Variants in DAB2IP observed in about 807,000 individuals in gnomAD.
DAB2IP encodes the protein disabled homolog 2-interacting protein.
A neutral mutation model predicts 107.2 loss-of-function variants in DAB2IP; 28 were observed. The observed-to-expected ratio is 0.26, with a 90% CI of 0.19 to 0.36. The LOEUF (loss-of-function observed/expected upper bound fraction) is 0.36, where lower values mean the gene tolerates loss of function less well. Among genes scored for constraint, DAB2IP ranks in the 10% least tolerant of loss-of-function variants. The pLI is 1.00. For missense variants in DAB2IP, 1,400 were observed against 1,644.7 expected, an observed-to-expected ratio of 0.85 and a Z score of 2.57; for synonymous variants, 755 against 706.4, an observed-to-expected ratio of 1.07 and a Z score of -1.09.
chr9:121,720,496 C>A (rs920453241), intron 3 of DAB2IP, among the ~76,000 whole-genome samples: 1 of 152,180 alleles, frequency 6.6e-6, no homozygotes, highest in African/African-American at 2.4e-5. Context: ...GTATTTATTT[C>A]CCTGTTTTCC....
intron 3 of DAB2IP, among the ~76,000 whole-genome samples, chr9:121,754,835 C>G (rs578164753): frequency 6.6e-6 from 1 of 152,200 alleles, no homozygotes; most frequent in Non-Finnish European, 1.5e-5. Flanking sequence ...CTCTCCACAG[C>G]CAGCTCATTC....
Position 121,618,365 on chromosome 9 carries a change from A to ATT in DAB2IP, c.40+51149_40+51150dup, listed in dbSNP as rs143238568. Reference sequence around the variant, plus strand: ...ATGTCATGAATGGTAAATTCAATGGATTTTTTTTTTTTTGAGGCAGAGTCT... The same window carrying ATT: ...ATGTCATGAATGGTAAATTCAATGGATTTTTTTTTTTTTTTGAGGCAGAGTCT... On this transcript the variant is annotated intron_variant, in intron 1 of 16. Transcript: ENST00000259371. Among the ~76,000 whole-genome samples the ATT allele has an allele frequency of 3.1e-3, 450 of 147,500 alleles. 5 individuals carry two copies. Among genetic ancestry groups the ATT allele is most frequent in the African/African-American group, 9.0e-3 (364 of 40,372 alleles).
At chr9:121,758,018 T>C (rs1195764339) in intron 4 of DAB2IP, among the ~76,000 whole-genome samples, 1 of 152,222 alleles carries the variant, frequency 6.6e-6, no homozygotes. Context: ...CCATTTCTGG[T>C]TCAGGACTCC....
At chr9:121,682,181 C>T (rs1828633952) in intron 2 of DAB2IP, among the ~76,000 whole-genome samples, 1 of 152,180 alleles carries the variant, frequency 6.6e-6, no homozygotes, top group South Asian at 2.1e-4. Flanking sequence ...TGCTCACTTA[C>T]AGGCTCCCAA....
At chr9:121,616,278 G>A (rs1323441739) in intron 1 of DAB2IP, among the ~76,000 whole-genome samples, 6 of 152,300 alleles carry the variant, frequency 3.9e-5, no homozygotes, top group Middle Eastern at 3.4e-3. Flanking sequence ...CTTTCTGGGG[G>A]AAAATGCTCT....
At chr9:121,676,547 G>A (rs1472906341) in intron 1 of DAB2IP, among the ~76,000 whole-genome samples, 8 of 152,062 alleles carry the variant, frequency 5.3e-5, no homozygotes, top group South Asian at 2.1e-4. Flanking sequence ...TCTTTCCCAG[G>A]CACCCCCCAC....
intron 3 of DAB2IP, among the ~76,000 whole-genome samples, chr9:121,707,495 C>T (rs542588997): frequency 3.4e-4 from 52 of 152,336 alleles, no homozygotes; most frequent in African/African-American, 1.0e-3. Flanking sequence ...CCCTACTGTC[C>T]CAGTTAACCA....
At chr9:121,668,823 T>G (rs917758121) in intron 1 of DAB2IP, among the ~76,000 whole-genome samples, 4 of 151,742 alleles carry the variant, frequency 2.6e-5, no homozygotes, top group African/African-American at 9.7e-5. Context: ...TGTAAGTGCA[T>G]GCACATGTAA....
chr9:121,764,758 G>C (rs1020988622), intron 8 of DAB2IP, among the ~76,000 whole-genome samples: 1 of 152,164 alleles, frequency 6.6e-6, no homozygotes, highest in South Asian at 2.1e-4. Context: ...CTCCTTGTTA[G>C]GTTCATCTCT....
At chr9:121,578,506 C>T (rs1211924494) in intron 1 of DAB2IP, among the ~76,000 whole-genome samples, 3 of 151,956 alleles carry the variant, frequency 2.0e-5, no homozygotes, top group African/African-American at 7.2e-5. Context: ...GTGGCCCTTC[C>T]AAGCCCCGGG....
chr9:121,782,968 C>CA lies in DAB2IP; in HGVS notation c.*471dup. On this transcript the variant is annotated 3_prime_UTR_variant, in exon 16 of 16. Coordinates refer to ENST00000408936, the Ensembl canonical transcript of DAB2IP. This position sits in a 1 kb window ranked among gnomAD's most constrained non-coding sequence, Gnocchi z 6.1. ...GGACTCCCTGGCAGCCAGGCCCTGT[C>CA]ATGTGGGACCTGGCACTTGGCAGAT... 9.8e-7 allele frequency: 1 copy of CA among 1,020,580 alleles called. No homozygotes were observed. Among genetic ancestry groups the CA allele is most frequent in the African/African-American group, 1.7e-5 (1 of 58,610 alleles). The allele number at this position is 1,020,580 out of a possible 1,614,324, so 63.2% of individuals were successfully genotyped here. A position where few individuals can be genotyped will look rare whatever the true frequency, so the allele number is the denominator to read the frequency against.
chr9:121,631,504 G>A (rs1275071902), intron 1 of DAB2IP, among the ~76,000 whole-genome samples: 1 of 152,050 alleles, frequency 6.6e-6, no homozygotes, highest in Non-Finnish European at 1.5e-5. Flanking sequence ...AGGTGGGAAT[G>A]GAAGTCCTGA....
At chr9:121,603,181 G>A (rs1484250699) in intron 1 of DAB2IP, among the ~76,000 whole-genome samples, 1 of 152,178 alleles carries the variant, frequency 6.6e-6, no homozygotes, top group Non-Finnish European at 1.5e-5. Flanking sequence ...TCTGTTGTGC[G>A]TCTATCTATG....
At chr9:121,655,625 C>T (rs563665649) in intron 1 of DAB2IP, among the ~76,000 whole-genome samples, 15 of 152,236 alleles carry the variant, frequency 9.9e-5, no homozygotes, top group Admixed American at 5.9e-4. Flanking sequence ...AGCTCAGCCG[C>T]GGACTGGTTG....
intron 1 of DAB2IP, among the ~76,000 whole-genome samples, chr9:121,637,204 T>A (rs1266551584): frequency 6.6e-6 from 1 of 152,204 alleles, no homozygotes; most frequent in East Asian, 1.9e-4. Context: ...ATGGGCATAA[T>A]AGCACCTTTT....
At chr9:121,770,809 G>T in intron 11 of DAB2IP, 85 bp downstream of exon 11, 1 of 1,524,580 alleles carries the variant, frequency 6.6e-7, no homozygotes, top group Non-Finnish European at 8.9e-7. Flanking sequence ...GGGGAAAGAG[G>T]ATGCCTACAT....
Position 121,782,212 on chromosome 9 carries a change from C to A in DAB2IP, c.3403-119C>A. The A allele has an allele frequency of 6.7e-7, 1 of 1,487,146 alleles. No individual in the cohort carries two copies. The highest frequency in any genetic ancestry group is 2.1e-5 in the Admixed American group (1 of 47,336). 92.1% of individuals were successfully genotyped at this position (1,487,146 alleles called of 1,614,324 possible). A position where few individuals can be genotyped will look rare whatever the true frequency, so the allele number is the denominator to read the frequency against. ...CCTTCTCTTGCCAGCTGCTCACAGC[C>A]CGGAGCCTGCCTGCCACCCTCATCT... is the stretch of plus-strand genomic sequence containing the variant. On this transcript the variant is annotated intron_variant, in intron 15 of 15. Coordinates refer to ENST00000408936, the Ensembl canonical transcript of DAB2IP. The surrounding 1 kb of genome is among the most constrained non-coding windows in gnomAD (Gnocchi z 6.1).
intron 1 of DAB2IP, among the ~76,000 whole-genome samples, chr9:121,625,241 CTT>C (rs55645811): frequency 7.0e-5 from 9 of 127,804 alleles, no homozygotes; most frequent in Admixed American, 1.6e-4. Context: ...AGTGGCTGGG[CTT>C]TTTTTTTTTT....
intron 1 of DAB2IP, among the ~76,000 whole-genome samples, chr9:121,627,164 CACACAA>C (rs1207928743): frequency 2.2e-4 from 34 of 151,538 alleles, no homozygotes; most frequent in African/African-American, 8.2e-4. Flanking sequence ...CACACACACA[CACACAA>C]GCATATGTAA....
Sources: gnomAD v4.1 joint callset for allele counts (sites outside exome capture counted in the v4.1 genomes callset) on GRCh38, gnomAD v4.1.1 for gene constraint, Gnocchi (gnomAD v3.1) non-coding constraint, MANE v1.5 for transcripts, NCBI Gene and HGNC (gene_info 2026-07-23, HGNC 2026-07-21) for gene names.